Variants in AIRIM observed in about 807,000 individuals in gnomAD.
AIRIM encodes the protein AFG2 interacting ribosome maturation factor.
chr1:37,690,235 T>A, the AIRIM span: 2 of 1,275,298 alleles, frequency 1.6e-6, no homozygotes, highest in Non-Finnish European at 2.1e-6. Context: ...TCCGCCCGCC[T>A]CGGTCTTCCA....
the AIRIM span, chr1:37,686,224 AAGACTT>A: frequency 6.7e-7 from 1 of 1,503,268 alleles, no homozygotes; most frequent in Non-Finnish European, 8.9e-7. Flanking sequence ...TGAAATTTGA[AAGACTT>A]AGAACAGCTC....
At chr1:37,687,104 G>A in the AIRIM span, among the ~76,000 whole-genome samples, 41,045 of 125,304 alleles carry the variant, frequency 0.33, 6,130 homozygotes, top group African/African-American at 0.42. Context: ...GTGTGTGTGT[G>A]TGTGTGTATA....
At chr1:37,686,725 A>AATCTC in the AIRIM span, among the ~76,000 whole-genome samples, 8 of 152,182 alleles carry the variant, frequency 5.3e-5, no homozygotes, top group Non-Finnish European at 1.2e-4. Context: ...AATTGAGACC[A>AATCTC]CTGGTCTAAG....
chr1:37,683,119 T>C, the AIRIM span: 1 of 1,612,580 alleles, frequency 6.2e-7, no homozygotes, highest in Non-Finnish European at 8.5e-7. Context: ...TACGCATAGC[T>C]TCCTTACTCT....
the AIRIM span, chr1:37,689,651 TGCTTACGCCTCAGCC>T: frequency 6.2e-7 from 1 of 1,613,116 alleles, no homozygotes; most frequent in African/African-American, 1.3e-5. Context: ...AGCCACCAGC[TGCTTACGCCTCAGCC>T]GCTCTTTTAA....
the AIRIM span, chr1:37,686,145 G>T: frequency 1.2e-6 from 1 of 857,586 alleles, no homozygotes; most frequent in Non-Finnish European, 1.7e-6. Context: ...AAGGAATGCA[G>T]GAAGAATCCA....
At chr1:37,689,893 A>C in the AIRIM span, 1 of 1,532,386 alleles carries the variant, frequency 6.5e-7, no homozygotes, top group Non-Finnish European at 8.7e-7. Context: ...TCTGCTGAAA[A>C]AGATAAAAAC....
the AIRIM span, chr1:37,686,461 A>C: frequency 6.2e-7 from 1 of 1,611,092 alleles, no homozygotes; most frequent in South Asian, 1.1e-5. Context: ...CTCTGCAAGA[A>C]AGAGTCTGAC....
At chr1:37,688,834 T>C in the AIRIM span, among the ~76,000 whole-genome samples, 2 of 151,980 alleles carry the variant, frequency 1.3e-5, no homozygotes, top group African/African-American at 2.4e-5. Flanking sequence ...GGCATGGAAG[T>C]GCACGCTTGT....
the AIRIM span, chr1:37,689,739 G>GT: frequency 1.2e-6 from 2 of 1,613,930 alleles, no homozygotes; most frequent in Non-Finnish European, 1.7e-6. Context: ...GCCTGCAGCT[G>GT]TTCCGCCAGG....
At chr1:37,683,202 C>A in the AIRIM span, 5,026 of 1,603,662 alleles carry the variant, frequency 3.1e-3, 143 homozygotes, top group African/African-American at 0.061. Context: ...TCACCTCTCC[C>A]GAGAACATAA....
chr1:37,681,932 A>T, the AIRIM span: 1 of 152,256 alleles, frequency 6.6e-6, no homozygotes, highest in Non-Finnish European at 1.5e-5. Flanking sequence ...TCTTTAAAAA[A>T]ATTTGTGAAT....
At chr1:37,687,058 A>C in the AIRIM span, among the ~76,000 whole-genome samples, 1 of 134,696 alleles carries the variant, frequency 7.4e-6, no homozygotes, top group African/African-American at 2.8e-5. Flanking sequence ...TCCGTCTCAA[A>C]AGTGTGTGTG....
chr1:37,691,761 C>G, the AIRIM span, among the ~76,000 whole-genome samples: 38 of 152,354 alleles, frequency 2.5e-4, 1 homozygote, highest in Middle Eastern at 0.014. Context: ...CACCGTGTGG[C>G]CAGCTGCCAA....
At chr1:37,691,116 A>C in the AIRIM span, 1 of 152,386 alleles carries the variant, frequency 6.6e-6, no homozygotes, top group African/African-American at 2.4e-5. Context: ...CCCACTACCC[A>C]CTGCCCAGGG....
chr1:37,686,597 G>A, the AIRIM span: 4 of 763,788 alleles, frequency 5.2e-6, no homozygotes, highest in South Asian at 3.7e-5. Flanking sequence ...GTAGGAGCAT[G>A]CCTGGCCCCT....
the AIRIM span, among the ~76,000 whole-genome samples, chr1:37,688,318 G>T: frequency 6.6e-6 from 1 of 152,134 alleles, no homozygotes; most frequent in South Asian, 2.1e-4. Context: ...AAAGTGCTGG[G>T]ATTACAGCCA....
At chr1:37,685,521 C>T in the AIRIM span, among the ~76,000 whole-genome samples, 1 of 151,962 alleles carries the variant, frequency 6.6e-6, no homozygotes, top group Non-Finnish European at 1.5e-5. Context: ...GCTGGGATTA[C>T]AGACTTCAGG....
At chr1:37,689,428 C>G in the AIRIM span, 1 of 663,308 alleles carries the variant, frequency 1.5e-6, no homozygotes, top group Non-Finnish European at 2.5e-6. Context: ...AAAGAAAATG[C>G]CAGAAAATGG....
Sources: allele counts gnomAD v4.1 joint callset (sites outside exome capture counted in the v4.1 genomes callset), GRCh38; gene constraint gnomAD v4.1.1; transcripts MANE v1.5; gene names NCBI Gene and HGNC (gene_info 2026-07-23, HGNC 2026-07-21).